TRIM16: variants seen among roughly 807,000 people sequenced by gnomAD.
TRIM16 encodes tripartite motif-containing protein 16.
In TRIM16, 33 loss-of-function variants were observed where a neutral mutation model predicts 50.4. That is an observed-to-expected ratio of 0.65 (90% CI 0.50 to 0.88). TRIM16 has a LOEUF of 0.88. TRIM16 is among the 40% of genes least tolerant of loss of function. TRIM16 has a pLI of 0.00. For synonymous variants in TRIM16, 229 were observed against 270.7 expected, an observed-to-expected ratio of 0.85 and a Z score of 1.51; for missense variants, 581 against 686.8, an observed-to-expected ratio of 0.85 and a Z score of 1.72.
intron 7 of TRIM16, 169 bp from the exon 8 acceptor site, chr17:15,642,985 G>A (rs1022890563): frequency 5.9e-5 from 30 of 504,684 alleles, no homozygotes; most frequent in East Asian, 3.0e-4. Flanking sequence ...CGGTGAGCCC[G>A]TGCCCTCCTG....
rs368060243 is a variant in TRIM16, at chr17:15,629,001, C to G, written c.1309G>C (p.Gly437Arg). ...HRYYFEVEIFGAGTYVGLTCK... is the reference protein window; with the variant it reads ...HRYYFEVEIFRAGTYVGLTCK... Reference sequence around the variant, plus strand: ...GTCAGGCCAACATAGGTGCCTGCCCCGAAGATCTCCACCTCAAAATAGTAC... The same window carrying G: ...GTCAGGCCAACATAGGTGCCTGCCCGGAAGATCTCCACCTCAAAATAGTAC... The change falls in exon 12 of 12, where the codon GGG becomes CGG. Residue 437 changes from glycine to arginine, a missense_variant. By Grantham distance (125) the Gly-to-Arg change is moderately radical. Around this residue, in one of 3 missense-constraint regions of TRIM16, gnomAD observed 450 missense variants for 544.3 expected, o/e 0.83. Transcript: ENST00000649191. 1.2e-6 allele frequency: 2 copies of G among 1,614,144 alleles called. No individual in the cohort carries two copies. Among genetic ancestry groups the G allele is most frequent in the South Asian group, 2.2e-5 (2 of 91,084 alleles).
intron 7 of TRIM16, chr17:15,643,172 G>A (rs1987195391): frequency 1.2e-6 from 1 of 825,144 alleles, no homozygotes; most frequent in Non-Finnish European, 1.5e-6. Flanking sequence ...TCTCAGCAAA[G>A]GGCATTCCAA....
intron 7 of TRIM16, among the ~76,000 whole-genome samples, chr17:15,644,620 A>T (rs995659483): frequency 1.6e-4 from 24 of 151,888 alleles, no homozygotes; most frequent in African/African-American, 5.8e-4. Context: ...CTGAAAGTCA[A>T]ACCCTTTCAT....
At chr17:15,635,304 G>A (rs1234661728) in intron 9 of TRIM16, among the ~76,000 whole-genome samples, 1 of 148,558 alleles carries the variant, frequency 6.7e-6, no homozygotes, top group East Asian at 2.0e-4. Context: ...ACAGATTCAG[G>A]ATGTTGCAGT....
chr17:15,629,351 A>G (rs994114830), intron 11 of TRIM16, among the ~76,000 whole-genome samples, 153 bp from the exon 12 acceptor site: 2 of 152,218 alleles, frequency 1.3e-5, no homozygotes, highest in Non-Finnish European at 1.5e-5. Flanking sequence ...CTAGGAAATG[A>G]GGTGAGTGAA....
intron 4 of TRIM16, among the ~76,000 whole-genome samples, chr17:15,678,577 G>T (rs1262683719): frequency 6.6e-6 from 1 of 152,318 alleles, no homozygotes; most frequent in Admixed American, 6.5e-5. Context: ...AAGCCATATG[G>T]TAAAGAGGCT....
In TRIM16 at chr17:15,631,621, T is replaced by C. The variant is rs1986425126; in HGVS notation, c.1109A>G (p.Gln370Arg). ...AGCGGGTGCCGTTCACAACTTACAT[T>C]GGAGGAACTGTTCCCTGGTGCTGGG... ...PEPSTREQFL[Q>R]YAYDITFDPD... is the part of the protein sequence containing the mutation. The change falls in exon 11 of 12, where the codon CAA (glutamine) becomes CGA (arginine). Residue 370 changes from glutamine (Q) to arginine (R), a missense_variant and splice_region_variant. Physicochemically the swap from Gln to Arg is conservative, Grantham distance 43. Transcript: ENST00000649191. 5 of 1,613,766 alleles carry C rather than the reference T, an allele frequency of 3.1e-6. No individual in the cohort carries two copies. Among genetic ancestry groups the C allele is most frequent in the Non-Finnish European group, 4.2e-6 (5 of 1,179,852 alleles).
At chr17:15,656,051 G>A (rs1172392667) in intron 6 of TRIM16, among the ~76,000 whole-genome samples, 1 of 152,068 alleles carries the variant, frequency 6.6e-6, no homozygotes, top group Non-Finnish European at 1.5e-5. Context: ...ATTTGGCAGG[G>A]GCATGGGATT....
chr17:15,681,069 G>A (rs537022673), intron 3 of TRIM16, 116 bp from the exon 4 acceptor site: 1 of 980,080 alleles, frequency 1.0e-6, no homozygotes, highest in African/African-American at 1.7e-5. Flanking sequence ...TCCATAGCTT[G>A]AAGGATTTTA....
intron 7 of TRIM16, among the ~76,000 whole-genome samples, chr17:15,646,187 A>G (rs1443012941): frequency 6.6e-6 from 1 of 152,120 alleles, no homozygotes; most frequent in African/African-American, 2.4e-5. Flanking sequence ...CCTTAAGTAC[A>G]TAATCGGGGA....
At chr17:15,661,258 C>T (rs1308547169) in intron 6 of TRIM16, among the ~76,000 whole-genome samples, 2 of 152,220 alleles carry the variant, frequency 1.3e-5, no homozygotes, top group Non-Finnish European at 2.9e-5. Flanking sequence ...AAAGTGAACA[C>T]ATCATGCAAA....
rs553779965 is a variant in TRIM16 at position 15,634,680 on chromosome 17, C to T, written c.849+1356G>A. On this transcript the variant is annotated intron_variant, in intron 9 of 11. Transcript: ENST00000649191. ...AATAAAAATTAGCCAGGTGTGGTGG[C>T]GGGTGCCTGTAATCCCAGCTACTCG... 1.4e-4 allele frequency among the ~76,000 whole-genome samples: 21 copies of T among 145,130 alleles called. 1 individual carries two copies. In the East Asian group the frequency reaches 3.8e-3, roughly 26 times the overall value.
At chr17:15,653,184 C>CCT (rs1157306884) in intron 6 of TRIM16, among the ~76,000 whole-genome samples, 1 of 152,114 alleles carries the variant, frequency 6.6e-6, no homozygotes, top group Admixed American at 6.5e-5. Flanking sequence ...TCTCTTAATT[C>CCT]CTCTCTCTCC....
intron 4 of TRIM16, among the ~76,000 whole-genome samples, chr17:15,678,489 C>A (rs1442225591): frequency 1.3e-5 from 2 of 152,178 alleles, no homozygotes; most frequent in Non-Finnish European, 2.9e-5. Context: ...CTTTCCAGGC[C>A]TGACTCACGT....
At chr17:15,632,812 G>C (rs1426968286) in intron 9 of TRIM16, 138 bp from the exon 10 acceptor site, 2 of 1,209,240 alleles carry the variant, frequency 1.7e-6, no homozygotes, top group East Asian at 5.2e-5. Flanking sequence ...TACATGTGAA[G>C]TGTCAAGCTC....
intron 8 of TRIM16, among the ~76,000 whole-genome samples, chr17:15,642,086 C>T (rs1987141874): frequency 6.7e-6 from 1 of 148,746 alleles, no homozygotes; most frequent in Non-Finnish European, 1.5e-5. Flanking sequence ...TCAAGTGATC[C>T]ACCCACTTCA....
At position 15,677,588 on chromosome 17, in the gene TRIM16, G is replaced by T. The variant is rs1324653793; in HGVS notation, c.-456C>A. On this transcript the variant is annotated 5_prime_UTR_variant, in exon 5 of 12. Coordinates refer to ENST00000649191, the MANE Select transcript of TRIM16 (RefSeq NM_001348119.1). ...ACCCAAGCTCACCCAAGGAGACCAG[G>T]TTCCTATAGTTCTCCAGCATTACAT... 3 of 1,052,586 alleles carry T rather than the reference G, an allele frequency of 2.9e-6. No individual in the cohort carries two copies. Among genetic ancestry groups the T allele is most frequent in the East Asian group, 7.8e-5 (1 of 12,772 alleles). The allele number at this position is 1,052,586 out of a possible 1,614,324, so 65.2% of individuals were successfully genotyped here. A position where few individuals can be genotyped will look rare whatever the true frequency, so the allele number is the denominator to read the frequency against.
At chr17:15,640,398 TGA>T (rs1039046294) in intron 8 of TRIM16, among the ~76,000 whole-genome samples, 6 of 148,996 alleles carry the variant, frequency 4.0e-5, no homozygotes, top group African/African-American at 1.5e-4. Context: ...CAAGACCAGA[TGA>T]GAGACAGGGC....
intron 7 of TRIM16, among the ~76,000 whole-genome samples, chr17:15,649,608 C>T (rs1987587371): frequency 6.6e-6 from 1 of 152,126 alleles, no homozygotes; most frequent in Middle Eastern, 3.2e-3. Flanking sequence ...TTTTTAACAT[C>T]TTCATGCATC....
Sources: allele counts gnomAD v4.1 joint callset (sites outside exome capture counted in the v4.1 genomes callset), GRCh38; gene constraint gnomAD v4.1.1; regional missense constraint gnomAD v4.1.1; transcripts MANE v1.5; gene names NCBI Gene and HGNC (gene_info 2026-07-23, HGNC 2026-07-21).